Variants in SRSF11 observed in about 807,000 individuals in gnomAD.
SRSF11 encodes serine/arginine-rich splicing factor 11.
In SRSF11, 9 loss-of-function variants were observed where a neutral mutation model predicts 56.0. The observed-to-expected ratio is 0.16, with a 90% CI of 0.10 to 0.28. The LOEUF is 0.28. SRSF11 is among the 10% of genes least tolerant of loss of function. The pLI is 1.00. For synonymous variants in SRSF11, 222 were observed against 215.3 expected, an observed-to-expected ratio of 1.03 and a Z score of -0.27; for missense variants, 421 against 600.7, an observed-to-expected ratio of 0.70 and a Z score of 3.13.
chr1:70,249,743 A>G (rs1677566683), intron 9 of SRSF11: 1 of 476,666 alleles, frequency 2.1e-6, no homozygotes. Context: ...TATTTTTTGT[A>G]GAGACAGAGT....
chr1:70,213,962 G>A (rs895641729), intron 1 of SRSF11, among the ~76,000 whole-genome samples: 8 of 152,092 alleles, frequency 5.3e-5, no homozygotes, highest in Non-Finnish European at 1.2e-4. Context: ...TTAATGAAAT[G>A]TACTGATTTG....
exon 1 of SRSF11, chr1:70,205,774 C>G: frequency 2.2e-6 from 1 of 452,340 alleles, no homozygotes; most frequent in Non-Finnish European, 4.0e-6. Flanking sequence ...GGAATTACTT[C>G]AATCAAGTAA....
intron 1 of SRSF11, among the ~76,000 whole-genome samples, chr1:70,213,246 G>T (rs959957907): frequency 6.6e-6 from 1 of 152,206 alleles, no homozygotes; most frequent in South Asian, 2.1e-4. Context: ...ATTAGCTCAT[G>T]TGGCTAATTA....
intron 1 of SRSF11, among the ~76,000 whole-genome samples, chr1:70,215,986 G>T (rs141739302): frequency 6.6e-6 from 1 of 152,098 alleles, no homozygotes; most frequent in Non-Finnish European, 1.5e-5. Context: ...GGGTTTCTCC[G>T]TATTGGTCAG....
intron 1 of SRSF11, among the ~76,000 whole-genome samples, chr1:70,224,477 A>G (rs1353435108): frequency 6.6e-6 from 1 of 152,162 alleles, no homozygotes; most frequent in African/African-American, 2.4e-5. Context: ...GTTAAGTTTA[A>G]CAACTTCTCT....
In SRSF11 at chr1:70,235,659, A is replaced by G. The variant is rs905767787; in HGVS notation, c.590+109A>G. 3.0e-5 allele frequency: 32 copies of G among 1,056,648 alleles called. No homozygotes were observed. In the Admixed American group the frequency reaches 4.0e-4, roughly 13 times the overall value. The allele number at this position is 1,056,648 out of a possible 1,614,324, so 65.5% of individuals were successfully genotyped here. A position where few individuals can be genotyped will look rare whatever the true frequency, so the allele number is the denominator to read the frequency against. On this transcript the variant is annotated intron_variant, in intron 5 of 11. Transcript: ENST00000370949. ...AGTTATCAAGTTATCTTTTCTCAAGACAAGCAATATGTATTGTTACCTAGA... is the reference window on the plus strand; with the variant it reads ...AGTTATCAAGTTATCTTTTCTCAAGGCAAGCAATATGTATTGTTACCTAGA...
At position 70,251,172 on chromosome 1, in the gene SRSF11, C is replaced by T. The variant is rs772445898; in HGVS notation, c.*367C>T. 2 of 180,048 alleles carry T rather than the reference C, an allele frequency of 1.1e-5. No homozygotes were observed. Among genetic ancestry groups the T allele is most frequent in the Admixed American group, 5.5e-5 (1 of 18,296 alleles). 11.2% of individuals were successfully genotyped at this position (180,048 alleles called of 1,614,324 possible). ...GTATTTCTATAATTTGATTCATTGC[C>T]GTAATAGAGCCATGTAGGAAATGCA... On this transcript the variant is annotated 3_prime_UTR_variant, in exon 12 of 12. Coordinates refer to ENST00000370949, the MANE Select transcript of SRSF11 (RefSeq NM_001350605.2).
rs1558239842 is a variant in SRSF11, at chr1:70,250,847, G to A, written c.*42G>A. The A allele has an allele frequency of 1.3e-6, 2 of 1,539,748 alleles. No individual in the cohort carries two copies. Among genetic ancestry groups the A allele is most frequent in the Non-Finnish European group, 1.8e-6 (2 of 1,114,614 alleles). On this transcript the variant is annotated 3_prime_UTR_variant, in exon 12 of 12. Transcript: ENST00000370949. Reference sequence around the variant, plus strand: ...AGTCCAACTGTATACCTGCATCAGTGTCATTCCTTTGTGTGATTTCTTAAT... The same window carrying A: ...AGTCCAACTGTATACCTGCATCAGTATCATTCCTTTGTGTGATTTCTTAAT...
intron 2 of SRSF11, chr1:70,231,373 G>C: frequency 9.5e-7 from 1 of 1,054,528 alleles, no homozygotes; most frequent in Non-Finnish European, 1.1e-6. Context: ...AATTTAAATT[G>C]TCTACATAAA....
chr1:70,219,851 C>T (rs915677775), upstream of SRSF11, among the ~76,000 whole-genome samples: 5 of 152,180 alleles, frequency 3.3e-5, no homozygotes, highest in East Asian at 7.7e-4. Context: ...ATCTCAATAA[C>T]CTTGTGCTCT....
intron 1 of SRSF11, 64 bp from the exon 2 acceptor site, chr1:70,228,358 G>A: frequency 7.9e-7 from 1 of 1,262,820 alleles, no homozygotes; most frequent in Non-Finnish European, 1.1e-6. Flanking sequence ...GTGTTGGTTT[G>A]TGAATTAGCA....
At chr1:70,229,775 T>G in intron 2 of SRSF11, 6 of 984,148 alleles carry the variant, frequency 6.1e-6, no homozygotes, top group Non-Finnish European at 7.2e-6. Flanking sequence ...AGAAGTTGCC[T>G]CTGGTTTTCT....
chr1:70,248,716 A>G (rs1283234652), intron 9 of SRSF11: 2 of 151,860 alleles, frequency 1.3e-5, no homozygotes, highest in Admixed American at 1.3e-4. Context: ...GTGCCTTCTC[A>G]TGCTGTATTA....
At chr1:70,219,463 A>G (rs762349980), upstream of SRSF11, among the ~76,000 whole-genome samples, 1 of 152,242 alleles carries the variant, frequency 6.6e-6, no homozygotes, top group African/African-American at 2.4e-5. Context: ...GTTAGACAAG[A>G]AATAAAAAGT....
At chr1:70,231,049 C>T (rs1408560299) in intron 2 of SRSF11, 1 of 1,289,320 alleles carries the variant, frequency 7.8e-7, no homozygotes, top group South Asian at 1.2e-5. Context: ...GGAACCATTA[C>T]CTTTATTTAA....
At chr1:70,234,066 G>T (rs998240130) in intron 3 of SRSF11, among the ~76,000 whole-genome samples, 7 of 152,100 alleles carry the variant, frequency 4.6e-5, no homozygotes, top group Non-Finnish European at 8.8e-5. Context: ...GTTCTCTTGG[G>T]TGCCCTGGGG....
chr1:70,229,554 T>A, intron 2 of SRSF11: 1 of 985,056 alleles, frequency 1.0e-6, no homozygotes, highest in Non-Finnish European at 1.2e-6. Context: ...TTTACTCGAA[T>A]CACTGAAATA....
intron 1 of SRSF11, among the ~76,000 whole-genome samples, chr1:70,225,957 G>T (rs1671683428): frequency 6.6e-6 from 1 of 152,122 alleles, no homozygotes; most frequent in African/African-American, 2.4e-5. Flanking sequence ...TTAGGAGGCT[G>T]AGGCGGGTGG....
chr1:70,235,590 C>A, intron 5 of SRSF11, 40 bp downstream of exon 5: 2 of 1,585,236 alleles, frequency 1.3e-6, no homozygotes, highest in Non-Finnish European at 1.7e-6. Flanking sequence ...GATGTGGTAT[C>A]TGAATGTCTA....
Sources: gnomAD v4.1 joint callset for allele counts (sites outside exome capture counted in the v4.1 genomes callset) on GRCh38, gnomAD v4.1.1 for gene constraint, MANE v1.5 for transcripts, NCBI Gene and HGNC (gene_info 2026-07-23, HGNC 2026-07-21) for gene names.